The following SSH2 variants were observed in gnomAD, a reference collection of about 807,000 sequenced individuals.
The protein encoded by SSH2 is protein phosphatase Slingshot homolog 2.
SSH2 carries 37 observed loss-of-function variants against 135.2 expected under a neutral mutation model. The observed-to-expected ratio is 0.27, with a 90% CI of 0.21 to 0.36. SSH2 has a LOEUF of 0.36. Ranked by LOEUF, SSH2 falls within the 10% of genes least tolerant of loss-of-function variation. SSH2 has a pLI of 1.00. For synonymous variants in SSH2, 628 were observed against 646.2 expected, an observed-to-expected ratio of 0.97 and a Z score of 0.43; for missense variants, 1,408 against 1,765.3, an observed-to-expected ratio of 0.80 and a Z score of 3.63.
At chr17:29,690,052 GCATCATCTAA>G (rs2038398344) in intron 5 of SSH2, among the ~76,000 whole-genome samples, 1 of 146,968 alleles carries the variant, frequency 6.8e-6, no homozygotes, top group Admixed American at 6.8e-5. Flanking sequence ...TCTCTCCTCA[GCATCATCTAA>G]CATCAGGAAA....
intron 1 of SSH2, among the ~76,000 whole-genome samples, chr17:29,895,733 A>AT (rs2066439037): frequency 3.2e-4 from 29 of 91,848 alleles, no homozygotes; most frequent in Non-Finnish European, 2.9e-4. Context: ...TTATATACAC[A>AT]TTTCATATAT....
chr17:29,714,213 A>G (rs940992959), intron 3 of SSH2, among the ~76,000 whole-genome samples: 1 of 152,054 alleles, frequency 6.6e-6, no homozygotes, highest in African/African-American at 2.4e-5. Context: ...AGACATGATG[A>G]TGACCAACAT....
chr17:29,761,812 T>A (rs1180545696), intron 3 of SSH2, among the ~76,000 whole-genome samples: 2 of 151,206 alleles, frequency 1.3e-5, no homozygotes, highest in African/African-American at 4.9e-5. Context: ...CCTATGTGAT[T>A]TGGAAATTCA....
At chr17:29,694,847 C>G (rs1414930317) in intron 5 of SSH2, among the ~76,000 whole-genome samples, 1 of 152,152 alleles carries the variant, frequency 6.6e-6, no homozygotes, top group Non-Finnish European at 1.5e-5. Flanking sequence ...GCCTTGTTTT[C>G]TAGTCTCTAT....
At chr17:29,853,925 G>A (rs897351585) in intron 1 of SSH2, among the ~76,000 whole-genome samples, 3 of 151,088 alleles carry the variant, frequency 2.0e-5, no homozygotes, top group Non-Finnish European at 4.4e-5. Context: ...GCACAACATA[G>A]CAAGATAGGT....
intron 3 of SSH2, among the ~76,000 whole-genome samples, chr17:29,736,580 G>A (rs559620226): frequency 6.6e-5 from 10 of 152,140 alleles, no homozygotes; most frequent in African/African-American, 2.2e-4. Flanking sequence ...AAGGTCAGGA[G>A]ATCGAGACCA....
chr17:29,905,806 A>C (rs552942837), intron 1 of SSH2, among the ~76,000 whole-genome samples: 1 of 152,214 alleles, frequency 6.6e-6, no homozygotes, highest in African/African-American at 2.4e-5. Flanking sequence ...GCCAATCTGC[A>C]TGCACTTCCT....
At chr17:29,744,764 A>G (rs2040695693) in intron 3 of SSH2, among the ~76,000 whole-genome samples, 1 of 152,154 alleles carries the variant, frequency 6.6e-6, no homozygotes, top group Admixed American at 6.6e-5. Context: ...TGTCATGGGA[A>G]TAACCCTGCC....
At chr17:29,771,191 C>G (rs2041578559) in intron 3 of SSH2, among the ~76,000 whole-genome samples, 2 of 152,188 alleles carry the variant, frequency 1.3e-5, no homozygotes, top group African/African-American at 4.8e-5. Flanking sequence ...TTTCTGTCCT[C>G]TATTTTGTGG....
At chr17:29,756,399 T>C (rs912727244) in intron 3 of SSH2, among the ~76,000 whole-genome samples, 3 of 151,936 alleles carry the variant, frequency 2.0e-5, no homozygotes, top group Admixed American at 1.3e-4. Context: ...GTCTCTTGAG[T>C]AGTTAGGACT....
chr17:29,867,793 A>G (rs903319731), intron 1 of SSH2, among the ~76,000 whole-genome samples: 1 of 152,232 alleles, frequency 6.6e-6, no homozygotes, highest in South Asian at 2.1e-4. Context: ...TCGCAAGTAA[A>G]GAGCTCTATT....
chr17:29,684,096 T>C (rs1191163189), intron 6 of SSH2, among the ~76,000 whole-genome samples: 6 of 152,232 alleles, frequency 3.9e-5, no homozygotes, highest in Non-Finnish European at 7.3e-5. Context: ...CTAAACATTC[T>C]TGTTTCTCAA....
At position 29,631,151 on chromosome 17, in the gene SSH2, T is replaced by C. The variant is rs1343830581; in HGVS notation, c.4043A>G (p.Lys1348Arg). 6.2e-7 allele frequency: 1 copy of C among 1,614,234 alleles called. No individual in the cohort carries two copies. Among genetic ancestry groups the C allele is most frequent in the Admixed American group, 1.7e-5 (1 of 60,026 alleles). The part of the protein sequence containing the change: ...PGAPHNPEPT[K>R]SFVEQLTTTE... Reference sequence around the variant, plus strand: ...TGTTGTGAGTTGTTCTACAAAAGACTTGGTGGGCTCTGGGTTGTGGGGGGC... The same window carrying C: ...TGTTGTGAGTTGTTCTACAAAAGACCTGGTGGGCTCTGGGTTGTGGGGGGC... Residue 1348 changes from lysine to arginine, a missense_variant, in exon 16 of 16, where the codon AAG becomes AGG. Physicochemically the swap from Lys to Arg is conservative, Grantham distance 26. Around this residue, in one of 3 missense-constraint regions of SSH2, gnomAD observed 1,080 missense variants for 1,144.5 expected, o/e 0.94. Coordinates refer to ENST00000540801, the MANE Select transcript of SSH2 (RefSeq NM_001282129.2).
intron 3 of SSH2, among the ~76,000 whole-genome samples, chr17:29,765,480 C>T (rs926026838): frequency 2.0e-5 from 3 of 152,202 alleles, no homozygotes; most frequent in African/African-American, 7.2e-5. Flanking sequence ...GAAGGTAAGA[C>T]TCACCGTGCA....
chr17:29,820,999 TC>T (rs2042641627), intron 2 of SSH2, among the ~76,000 whole-genome samples: 1 of 152,072 alleles, frequency 6.6e-6, no homozygotes, highest in African/African-American at 2.4e-5. Context: ...ATCTGAAGAG[TC>T]CATGAATTCC....
At chr17:29,642,902 C>T (rs2036223503) in intron 14 of SSH2, among the ~76,000 whole-genome samples, 1 of 152,168 alleles carries the variant, frequency 6.6e-6, no homozygotes, top group Non-Finnish European at 1.5e-5. Flanking sequence ...GAGCTGCCAC[C>T]TCAAATTAAA....
rs147365942 is a variant in SSH2, at chr17:29,656,336, C to G, written c.1033-729G>C. On this transcript the variant is annotated intron_variant, in intron 11 of 15. Transcript: ENST00000540801. ...GGATTACAGGTGCGCGCCACCATGCCCAGCTGATTTTTGTATTTTTTAGTA... is the reference window on the plus strand; with the variant it reads ...GGATTACAGGTGCGCGCCACCATGCGCAGCTGATTTTTGTATTTTTTAGTA... 3.1e-3 allele frequency among the ~76,000 whole-genome samples: 478 copies of G among 152,196 alleles called. 3 individuals are homozygous for G. The highest frequency in any genetic ancestry group is 9.2e-3 in the African/African-American group (383 of 41,526).
chr17:29,812,603 C>T (rs886923808), intron 2 of SSH2, among the ~76,000 whole-genome samples: 14 of 152,292 alleles, frequency 9.2e-5, no homozygotes, highest in African/African-American at 2.6e-4. Context: ...ATTTTAAAAC[C>T]ATGCCAGCCG....
At chr17:29,797,364 GTACACAGGA>G (rs2151308897) in intron 2 of SSH2, among the ~76,000 whole-genome samples, 1 of 152,162 alleles carries the variant, frequency 6.6e-6, no homozygotes, top group East Asian at 1.9e-4. Context: ...TAAAAAATTA[GTACACAGGA>G]TATGATTCCA....
Sources: gnomAD v4.1 joint callset for allele counts (sites outside exome capture counted in the v4.1 genomes callset) on GRCh38, gnomAD v4.1.1 for gene constraint, gnomAD v4.1.1 regional missense constraint, MANE v1.5 for transcripts, NCBI Gene and HGNC (gene_info 2026-07-23, HGNC 2026-07-21) for gene names.